Variants in ABLIM1 observed in about 807,000 individuals in gnomAD.
ABLIM1 encodes actin-binding LIM protein 1.
Under a neutral mutation model 107.0 loss-of-function variants are expected in ABLIM1, and 40 were observed. The observed-to-expected ratio is 0.37, with a 90% CI of 0.29 to 0.49. The LOEUF is 0.49. Among genes scored for constraint, ABLIM1 ranks in the 20% least tolerant of loss-of-function variants. The pLI is 0.97. For missense variants in ABLIM1, 857 were observed against 1,008.5 expected (o/e 0.85, Z 2.04); for synonymous variants, 357 against 357.3 (o/e 1.00, Z 0.01).
chr10:114,468,150 C>A (rs2065590705), intron 11 of ABLIM1, 31 bp downstream of exon 11: 1 of 1,597,038 alleles, frequency 6.3e-7, no homozygotes, highest in African/African-American at 1.3e-5. Context: ...AAATTCCACC[C>A]ATTAAAATGA....
At chr10:114,773,355 T>C in the ABLIM1 span, among the ~76,000 whole-genome samples, 1 of 152,116 alleles carries the variant, frequency 6.6e-6, no homozygotes, top group East Asian at 1.9e-4. Flanking sequence ...AACAGATTGA[T>C]AACAGACTCA....
chr10:114,540,414 C>A (rs765717010), intron 6 of ABLIM1, among the ~76,000 whole-genome samples: 28 of 152,226 alleles, frequency 1.8e-4, no homozygotes, highest in Non-Finnish European at 3.2e-4. Flanking sequence ...TTCAGATTGG[C>A]TGCCACCCAG....
At chr10:114,700,764 A>G (rs990158172) in intron 1 of ABLIM1, among the ~76,000 whole-genome samples, 1 of 152,090 alleles carries the variant, frequency 6.6e-6, no homozygotes, top group African/African-American at 2.4e-5. Context: ...CTCAACCCCT[A>G]CCTCACACCA....
At chr10:114,453,349 C>T in intron 13 of ABLIM1, 30 bp downstream of exon 13, 1 of 1,604,570 alleles carries the variant, frequency 6.2e-7, no homozygotes, top group East Asian at 2.2e-5. Context: ...TGTGACAGGA[C>T]ACCAAGACAC....
intron 1 of ABLIM1, among the ~76,000 whole-genome samples, chr10:114,616,549 G>C (rs575659518): frequency 6.6e-6 from 1 of 152,364 alleles, no homozygotes; most frequent in South Asian, 2.1e-4. Context: ...GGAAGCCACT[G>C]ATGTGGTCCT....
intron 5 of ABLIM1, among the ~76,000 whole-genome samples, chr10:114,546,020 A>G (rs1489042446): frequency 6.6e-6 from 1 of 150,932 alleles, no homozygotes; most frequent in African/African-American, 2.4e-5. Flanking sequence ...CCCACATGCC[A>G]GAGTACAGCC....
At chr10:114,474,092 T>C (rs2067102475) in intron 8 of ABLIM1, 136 bp from the exon 9 acceptor site, 5 of 637,224 alleles carry the variant, frequency 7.8e-6, no homozygotes, top group Non-Finnish European at 1.3e-5. Flanking sequence ...TAAGGTAAAA[T>C]ACAACCTAGA....
At chr10:114,470,901 T>C (rs1437048338) in intron 10 of ABLIM1, among the ~76,000 whole-genome samples, 5 of 152,210 alleles carry the variant, frequency 3.3e-5, no homozygotes, top group Non-Finnish European at 7.3e-5. Context: ...TGTTTTGTTT[T>C]TGAGACAGGG....
the ABLIM1 span, among the ~76,000 whole-genome samples, chr10:114,794,285 T>C: frequency 7.1e-3 from 1,086 of 152,370 alleles, 7 homozygotes; most frequent in African/African-American, 0.025. Context: ...ATTTGATATA[T>C]TATATCTCTT....
intron 17 of ABLIM1, among the ~76,000 whole-genome samples, chr10:114,443,672 T>TA (rs11418258): frequency 0.44 from 46,884 of 107,002 alleles, 9,785 homozygotes; most frequent in Non-Finnish European, 0.47. Flanking sequence ...TCATGTTATC[T>TA]AAAAAAAAAA....
intron 3 of ABLIM1, 32 bp from the exon 4 acceptor site, chr10:114,571,438 A>G: frequency 6.3e-7 from 1 of 1,591,884 alleles, no homozygotes; most frequent in Non-Finnish European, 8.6e-7. Flanking sequence ...CCTCAAGGTT[A>G]TTGCAGCAAT....
At chr10:114,441,442 A>G (rs982680985) in intron 18 of ABLIM1, among the ~76,000 whole-genome samples, 2 of 152,174 alleles carry the variant, frequency 1.3e-5, no homozygotes, top group Non-Finnish European at 2.9e-5. Flanking sequence ...TTTTTGTTTC[A>G]TTGTAAAAAA....
At position 114,489,901 on chromosome 10, in the gene ABLIM1, G is replaced by A. The variant is rs191932840; in HGVS notation, c.983-1885C>T. 2.4e-3 allele frequency among the ~76,000 whole-genome samples: 371 copies of A among 152,342 alleles called. 4 individuals are homozygous for A. Among genetic ancestry groups the A allele is most frequent in the Admixed American group, 3.1e-3 (47 of 15,302 alleles). ...TGGAATTCCAAATGCAGCCTCAACA[G>A]ATAGCCATTTATTTGTAGCCCGAAT... On this transcript the variant is annotated intron_variant, in intron 7 of 22. Coordinates refer to ENST00000533213, the MANE Select transcript of ABLIM1 (RefSeq NM_002313.7).
At chr10:114,444,197 G>T in intron 16 of ABLIM1, 63 bp from the exon 17 acceptor site, 1 of 1,381,306 alleles carries the variant, frequency 7.2e-7, no homozygotes, top group African/African-American at 1.5e-5. Context: ...TACTTTCATG[G>T]AGCTGCAGTT....
chr10:114,487,295 T>A (rs2058328911), intron 8 of ABLIM1, among the ~76,000 whole-genome samples: 1 of 152,238 alleles, frequency 6.6e-6, no homozygotes, highest in Non-Finnish European at 1.5e-5. Context: ...TGGGATTCAT[T>A]CAGTCTGATT....
intron 1 of ABLIM1, among the ~76,000 whole-genome samples, chr10:114,732,702 A>G (rs2082101446): frequency 6.6e-6 from 1 of 152,192 alleles, no homozygotes; most frequent in Non-Finnish European, 1.5e-5. Flanking sequence ...CTACCATGGT[A>G]TCTTTTATAC....
chr10:114,571,639 A>T (rs1462958786), intron 3 of ABLIM1, among the ~76,000 whole-genome samples: 2 of 152,334 alleles, frequency 1.3e-5, no homozygotes, highest in South Asian at 4.1e-4. Flanking sequence ...ACCAGGTAGT[A>T]AAATGGAATG....
At chr10:114,771,124 C>A (rs1251303547), upstream of ABLIM1, among the ~76,000 whole-genome samples, 1 of 108,706 alleles carries the variant, frequency 9.2e-6, no homozygotes, top group East Asian at 2.3e-4. Flanking sequence ...AGCCACCGCA[C>A]CCGGCCTATT....
In ABLIM1 at chr10:114,729,092, G is replaced by C. The variant is rs2082020727; in HGVS notation, c.-213+38969C>G. Among the ~76,000 whole-genome samples the C allele has an allele frequency of 1.3e-5, 2 of 152,054 alleles. 1 individual carries two copies. The highest frequency in any genetic ancestry group is 4.8e-5 in the African/African-American group (2 of 41,354). On this transcript the variant is annotated intron_variant, in intron 1 of 15. Coordinates refer to the ABLIM1 transcript ENST00000651092. ...CAGGCCTGTGCTAAGCATCTTACAT[G>C]CTTTAGCTCTTTTAATCCTAATTTC...
Sources: allele counts gnomAD v4.1 joint callset (sites outside exome capture counted in the v4.1 genomes callset), GRCh38; gene constraint gnomAD v4.1.1; transcripts MANE v1.5; gene names NCBI Gene and HGNC (gene_info 2026-07-23, HGNC 2026-07-21).